Variants in ANK2 observed in about 807,000 individuals in gnomAD.
The protein encoded by ANK2 is ankyrin-2.
In ANK2, 83 loss-of-function variants were observed where a neutral mutation model predicts 360.5. The observed-to-expected ratio is 0.23, with a 90% confidence interval of 0.19 to 0.28. The LOEUF (loss-of-function observed/expected upper bound fraction) is 0.28, where lower values mean the gene tolerates loss of function less well. Among genes scored for constraint, ANK2 ranks in the 10% least tolerant of loss-of-function variants. The probability of loss-of-function intolerance (pLI) is 1.00; values close to 1 mark genes in which losing one functional copy is unlikely to be tolerated. For synonymous variants in ANK2, 1,740 were observed against 1,759.5 expected (o/e 0.99, Z 0.28); for missense variants, 4,201 against 4,795.7 (o/e 0.88, Z 3.66).
At chr4:112,885,177 C>G (rs1270906876) in intron 1 of ANK2, among the ~76,000 whole-genome samples, 2 of 152,072 alleles carry the variant, frequency 1.3e-5, no homozygotes, top group Admixed American at 6.5e-5. Flanking sequence ...CTTCCCTGTC[C>G]GTAATCACGC....
chr4:112,879,199 C>T (rs2076053510), intron 1 of ANK2, among the ~76,000 whole-genome samples: 2 of 152,114 alleles, frequency 1.3e-5, no homozygotes, highest in South Asian at 4.2e-4. Flanking sequence ...TCATGTGAGT[C>T]CCCCCACCAA....
Position 113,355,798 on chromosome 4 carries a change from G to A in ANK2, c.7180G>A (p.Gly2394Arg). 1.2e-6 allele frequency: 2 copies of A among 1,614,052 alleles called. No homozygotes were observed. Among genetic ancestry groups the A allele is most frequent in the Non-Finnish European group, 8.5e-7 (1 of 1,179,972 alleles). Reference sequence around the variant, plus strand: ...TGAGGCTTCTGTAAAGACAGATACAGGAACTGAATCAAAACCTCAGGGAGT... The same window carrying A: ...TGAGGCTTCTGTAAAGACAGATACAAGAACTGAATCAAAACCTCAGGGAGT... ...LPEASVKTDTGTESKPQGVIR... is the reference protein window; with the variant it reads ...LPEASVKTDTRTESKPQGVIR... Residue 2394 changes from glycine (G) to arginine (R), a missense_variant, in exon 38 of 46, where the codon GGA becomes AGA. This residue lies in a region of ANK2 where 2,642 missense variants were observed against 2,714.5 expected (regional missense o/e 0.97). Coordinates refer to ENST00000357077, the MANE Select transcript of ANK2 (RefSeq NM_001148.6).
chr4:113,104,029 A>G (rs1198284396), intron 1 of ANK2, among the ~76,000 whole-genome samples: 1 of 152,152 alleles, frequency 6.6e-6, no homozygotes, highest in Non-Finnish European at 1.5e-5. Flanking sequence ...TCGGAAACCT[A>G]GGGTTTGATA....
At chr4:112,853,412 G>A (rs373667673) in intron 1 of ANK2, among the ~76,000 whole-genome samples, 2 of 151,782 alleles carry the variant, frequency 1.3e-5, no homozygotes, top group Non-Finnish European at 1.5e-5. Context: ...ATGATGCCAG[G>A]CTTGTCTTGA....
At chr4:112,759,053 T>C in the ANK2 span, among the ~76,000 whole-genome samples, 1 of 152,212 alleles carries the variant, frequency 6.6e-6, no homozygotes, top group Non-Finnish European at 1.5e-5. Context: ...TCTGATTAAA[T>C]GTTATTTCTC....
chr4:112,748,719 C>T, the ANK2 span, among the ~76,000 whole-genome samples: 1 of 152,016 alleles, frequency 6.6e-6, no homozygotes, highest in South Asian at 2.1e-4. Context: ...TTTTATGGTC[C>T]CCTGAGGCAA....
upstream of ANK2, among the ~76,000 whole-genome samples, chr4:112,814,424 C>T (rs72906851): frequency 0.028 from 4,229 of 150,288 alleles, 129 homozygotes; most frequent in African/African-American, 0.069. Flanking sequence ...GACTGGAGAG[C>T]GTTTTTTTGT....
rs768985159 is a variant in ANK2 at position 113,356,558 on chromosome 4, G to C, written c.7940G>C (p.Ser2647Thr). ...CATACAGGCAGTGGGGAGGATGAAA[G>C]TGGTGTCCCTGTGTTAGTAACTTCG... ...PKHTGSGEDESGVPVLVTSES... is the reference protein window; with the variant it reads ...PKHTGSGEDETGVPVLVTSES... The change falls in exon 38 of 46, where the codon AGT (serine) becomes ACT (threonine). Residue 2647 changes from serine (S) to threonine (T), a missense_variant. Ser to Thr is a moderately conservative substitution (Grantham distance 58). Coordinates refer to ENST00000357077, the MANE Select transcript of ANK2 (RefSeq NM_001148.6). 2.5e-6 allele frequency: 4 copies of C among 1,614,138 alleles called. No individual in the cohort carries two copies. The highest frequency in any genetic ancestry group is 3.4e-6 in the Non-Finnish European group (4 of 1,179,994).
intron 2 of ANK2, among the ~76,000 whole-genome samples, chr4:113,184,566 G>T (rs185830465): frequency 9.5e-4 from 145 of 152,228 alleles, no homozygotes; most frequent in African/African-American, 3.4e-3. Flanking sequence ...GTGAGATGAG[G>T]TGAAGCTGCC....
At chr4:113,349,839 C>T (rs550800033) in intron 36 of ANK2, among the ~76,000 whole-genome samples, 1 of 152,208 alleles carries the variant, frequency 6.6e-6, no homozygotes, top group Non-Finnish European at 1.5e-5. Flanking sequence ...TTCTGTAGAA[C>T]ACATCACCCT....
At chr4:112,802,040 G>A in the ANK2 span, among the ~76,000 whole-genome samples, 1 of 152,008 alleles carries the variant, frequency 6.6e-6, no homozygotes, top group Non-Finnish European at 1.5e-5. Flanking sequence ...GGTGACTTTT[G>A]TTGTTATAGG....
chr4:112,728,675 C>T, the ANK2 span, among the ~76,000 whole-genome samples: 1 of 151,618 alleles, frequency 6.6e-6, no homozygotes, highest in Non-Finnish European at 1.5e-5. Flanking sequence ...TCACCTGAGC[C>T]CCGGGGAGTT....
the ANK2 span, among the ~76,000 whole-genome samples, chr4:112,783,648 T>TTTAG: frequency 2.0e-5 from 3 of 150,086 alleles, no homozygotes; most frequent in Admixed American, 1.3e-4. Context: ...TATTTATTTA[T>TTTAG]TTATTTATTT....
the ANK2 span, among the ~76,000 whole-genome samples, chr4:112,756,326 G>T: frequency 6.7e-6 from 1 of 148,936 alleles, no homozygotes; most frequent in Non-Finnish European, 1.5e-5. Context: ...ATCTAGCTGG[G>T]GTTTATGATT....
chr4:112,987,966 G>A lies in ANK2; in HGVS notation c.21+83452G>A, dbSNP rs143333457. 7.8e-3 allele frequency among the ~76,000 whole-genome samples: 1,186 copies of A among 152,192 alleles called. 7 individuals are homozygous for A. Among genetic ancestry groups the A allele is most frequent in the Non-Finnish European group, 0.012 (783 of 68,002 alleles). ...TGCAACGGCATAAGATATAGAAATA[G>A]GAGAGGTGACTCAGATGCTAGAGCA... On this transcript the variant is annotated intron_variant, in intron 2 of 30. Coordinates refer to the ANK2 transcript ENST00000503271.
chr4:112,750,261 A>T, the ANK2 span, among the ~76,000 whole-genome samples: 4 of 151,892 alleles, frequency 2.6e-5, no homozygotes, highest in African/African-American at 7.3e-5. Context: ...AGGAAACCCC[A>T]TATTCACGAG....
intron 1 of ANK2, among the ~76,000 whole-genome samples, chr4:113,114,448 C>T (rs2094567978): frequency 6.6e-6 from 1 of 152,128 alleles, no homozygotes; most frequent in Non-Finnish European, 1.5e-5. Context: ...ATCTAACAAA[C>T]TATCACCTGG....
At chr4:112,892,778 C>G (rs2080462022) in intron 1 of ANK2, among the ~76,000 whole-genome samples, 1 of 152,062 alleles carries the variant, frequency 6.6e-6, no homozygotes, top group Non-Finnish European at 1.5e-5. Context: ...CATAATTGTT[C>G]TTTTTGTTCT....
In ANK2 at chr4:113,357,206, A is replaced by T; in HGVS notation, c.8588A>T (p.Glu2863Val). 6.2e-7 allele frequency: 1 copy of T among 1,614,108 alleles called. No individual in the cohort carries two copies. The highest frequency in any genetic ancestry group is 8.5e-7 in the Non-Finnish European group (1 of 1,179,996). Residue 2863 changes from glutamate (E) to valine (V), a missense_variant, in exon 38 of 46, where the codon GAA becomes GTA. Around this residue, in one of 4 missense-constraint regions of ANK2, gnomAD observed 2,642 missense variants for 2,714.5 expected, o/e 0.97. Coordinates refer to ENST00000357077, the MANE Select transcript of ANK2 (RefSeq NM_001148.6). ...CLVSEGKELD[E>V]DISATSSIQK... is the part of the protein sequence containing the mutation. ...GTATCTGAAGGAAAAGAATTAGATG[A>T]AGACATATCTGCCACATCTTCTATT...
Sources: gnomAD v4.1 joint callset for allele counts (sites outside exome capture counted in the v4.1 genomes callset) on GRCh38, gnomAD v4.1.1 for gene constraint, gnomAD v4.1.1 regional missense constraint, MANE v1.5 for transcripts, NCBI Gene and HGNC (gene_info 2026-07-23, HGNC 2026-07-21) for gene names.